Variants in NXPE4 observed in about 807,000 individuals in gnomAD.
NXPE4 encodes neurexophilin and PC-esterase domain family member 4.
Under a neutral mutation model 33.3 loss-of-function variants are expected in NXPE4, and 42 were observed. The observed-to-expected ratio is 1.26, with a 90% CI of 0.98 to 1.63. The LOEUF (loss-of-function observed/expected upper bound fraction) is 1.63, where lower values mean the gene tolerates loss of function less well. Among genes scored for constraint, NXPE4 ranks in the 40% most tolerant of loss-of-function variants. The pLI is 0.00. For missense variants in NXPE4, 709 were observed against 647.6 expected (o/e 1.09, Z -1.03); for synonymous variants, 253 against 234.9 (o/e 1.08, Z -0.71).
chr11:114,622,093 C>T, the NXPE4 span, among the ~76,000 whole-genome samples: 1 of 147,906 alleles, frequency 6.8e-6, no homozygotes, highest in Non-Finnish European at 1.5e-5. Flanking sequence ...ATAATAAGTA[C>T]TGCCTCATCA....
chr11:114,664,825 G>T, the NXPE4 span, among the ~76,000 whole-genome samples: 1 of 152,176 alleles, frequency 6.6e-6, no homozygotes, highest in Non-Finnish European at 1.5e-5. Context: ...CTCCCAGTCT[G>T]TCACACAATC....
chr11:114,651,400 C>T, the NXPE4 span, among the ~76,000 whole-genome samples: 2 of 152,088 alleles, frequency 1.3e-5, no homozygotes, highest in Non-Finnish European at 2.9e-5. Context: ...TCGCTGGCTT[C>T]AGGAGTGAAG....
At chr11:114,663,593 C>T in the NXPE4 span, among the ~76,000 whole-genome samples, 581 of 96,174 alleles carry the variant, frequency 6.0e-3, 2 homozygotes, top group Non-Finnish European at 9.8e-3. Flanking sequence ...TATCATCTAT[C>T]TATCTATCTA....
At chr11:114,632,851 A>C in the NXPE4 span, among the ~76,000 whole-genome samples, 1 of 74,936 alleles carries the variant, frequency 1.3e-5, no homozygotes, top group Non-Finnish European at 2.2e-5. Context: ...ATAAAATTAT[A>C]TAATTATATA....
chr11:114,614,291 G>T, the NXPE4 span, among the ~76,000 whole-genome samples: 1 of 150,538 alleles, frequency 6.6e-6, no homozygotes, highest in South Asian at 2.1e-4. Flanking sequence ...CCTGTTACCC[G>T]GTGGATAGTA....
the NXPE4 span, among the ~76,000 whole-genome samples, chr11:114,676,182 A>G: frequency 6.6e-6 from 1 of 151,972 alleles, no homozygotes; most frequent in Non-Finnish European, 1.5e-5. Flanking sequence ...TCTCTTTGAT[A>G]TTGGTATGGT....
chr11:114,611,324 A>T, the NXPE4 span, among the ~76,000 whole-genome samples: 1 of 151,138 alleles, frequency 6.6e-6, no homozygotes, highest in African/African-American at 2.4e-5. Flanking sequence ...TACCCAGTGG[A>T]TAATAAGTAT....
At chr11:114,632,715 A>T in the NXPE4 span, among the ~76,000 whole-genome samples, 2 of 74,444 alleles carry the variant, frequency 2.7e-5, no homozygotes, top group Admixed American at 5.7e-4. Flanking sequence ...ATATAATATA[A>T]TATATATAAT....
chr11:114,594,702 A>G lies in NXPE4; in HGVS notation c.58T>C (p.Ser20Pro). 2 of 1,604,260 alleles carry G rather than the reference A, an allele frequency of 1.2e-6. No individual in the cohort carries two copies. The highest frequency in any genetic ancestry group is 8.5e-7 in the Non-Finnish European group (1 of 1,173,142). The change falls in exon 2 of 6, where the codon TCC (serine) becomes CCC (proline). Residue 20 changes from serine (S) to proline (P), a missense_variant. By Grantham distance (74) the Ser-to-Pro change is moderately conservative. Coordinates refer to ENST00000375478, the MANE Select transcript of NXPE4 (RefSeq NM_001077639.2). The part of the protein sequence containing the change: ...SLLALLFILA[S>P]WIIFTVFQNS... ...TGGAAAACTGTAAAAATGATCCAGG[A>G]GGCTAATATAAACAACAGTGCCAAT...
rs1949152296 is a variant in NXPE4 at position 114,581,771 on chromosome 11, T to C, written c.846A>G (p.Val282=). Residue 282 remains valine, a synonymous_variant, in exon 4 of 6, where the codon GTA becomes GTG. Coordinates refer to ENST00000375478, the MANE Select transcript of NXPE4 (RefSeq NM_001077639.2). ...KSLFERSNVG[V]EIMEKFNTIS... ...TTGTATTGAATTTTTCCATAATCTC[T>C]ACACCCACATTTGACCTTAAAGACA... 1 of 1,609,130 alleles carries C rather than the reference T, an allele frequency of 6.2e-7. No individual in the cohort carries two copies. Among genetic ancestry groups the C allele is most frequent in the Non-Finnish European group, 8.5e-7 (1 of 1,177,068 alleles).
chr11:114,631,848 A>G, the NXPE4 span, among the ~76,000 whole-genome samples: 4 of 151,326 alleles, frequency 2.6e-5, no homozygotes, highest in Admixed American at 2.6e-4. Context: ...CCGGTGGATA[A>G]TAAGTATTGT....
chr11:114,581,830 A>C, intron 3 of NXPE4, 44 bp from the exon 4 acceptor site: 4 of 1,323,896 alleles, frequency 3.0e-6, no homozygotes, highest in Non-Finnish European at 4.3e-6. Context: ...GTGGCCTCAA[A>C]TCAGGAAACA....
chr11:114,583,186 C>A lies in NXPE4; in HGVS notation c.97-165G>T, dbSNP rs1949196974. ...TACTATTATCAATATTATTTAAATT[C>A]TCCAATAAAAAGGCATAGAATGGAG... On this transcript the variant is annotated intron_variant, in intron 2 of 5. Coordinates refer to ENST00000375478, the MANE Select transcript of NXPE4 (RefSeq NM_001077639.2). The A allele has an allele frequency of 6.0e-6, 5 of 838,762 alleles. No individual in the cohort carries two copies. In the South Asian group the frequency reaches 7.3e-5, roughly 12 times the overall value. 52.0% of individuals were successfully genotyped at this position (838,762 alleles called of 1,614,324 possible).
the NXPE4 span, among the ~76,000 whole-genome samples, chr11:114,652,221 T>C: frequency 6.6e-6 from 1 of 152,326 alleles, no homozygotes; most frequent in African/African-American, 2.4e-5. Context: ...TCAGTTGAGT[T>C]AGCAGGTGAA....
the NXPE4 span, among the ~76,000 whole-genome samples, chr11:114,618,851 C>T: frequency 6.6e-4 from 100 of 151,758 alleles, no homozygotes; most frequent in African/African-American, 2.3e-3. Context: ...CATTGGTACC[C>T]AGTGGATCCT....
At chr11:114,663,739 G>A in the NXPE4 span, among the ~76,000 whole-genome samples, 13 of 147,470 alleles carry the variant, frequency 8.8e-5, no homozygotes, top group African/African-American at 2.5e-4. Flanking sequence ...ATCTATTGGC[G>A]AACTCAATAA....
the NXPE4 span, among the ~76,000 whole-genome samples, chr11:114,602,950 A>G: frequency 1.3e-5 from 2 of 149,974 alleles, no homozygotes; most frequent in African/African-American, 4.9e-5. Flanking sequence ...AATCATAATT[A>G]TCTCATATAC....
the NXPE4 span, among the ~76,000 whole-genome samples, chr11:114,634,066 T>C: frequency 6.6e-6 from 1 of 151,914 alleles, no homozygotes; most frequent in Non-Finnish European, 1.5e-5. Flanking sequence ...TGAACTAGTT[T>C]ACAGTTCCAC....
chr11:114,610,234 G>A, the NXPE4 span, among the ~76,000 whole-genome samples: 5 of 151,712 alleles, frequency 3.3e-5, no homozygotes, highest in Non-Finnish European at 5.9e-5. Flanking sequence ...GTGTTGCCTC[G>A]TGGTTAACCA....
Sources: gnomAD v4.1 joint callset for allele counts (sites outside exome capture counted in the v4.1 genomes callset) on GRCh38, gnomAD v4.1.1 for gene constraint, MANE v1.5 for transcripts, NCBI Gene and HGNC (gene_info 2026-07-23, HGNC 2026-07-21) for gene names.